Variants in STX7 observed in about 807,000 individuals in gnomAD.
STX7 encodes syntaxin-7.
STX7 carries 34 observed loss-of-function variants against 39.6 expected under a neutral mutation model. The ratio of observed to expected loss-of-function variants is 0.86; its 90% CI spans 0.65 to 1.14. The LOEUF is 1.14. Ranked by LOEUF, STX7 falls within the 50% of genes most tolerant of loss-of-function variation. The pLI, the probability that STX7 is intolerant of heterozygous loss-of-function variation, is 0.00. For synonymous variants in STX7, 119 were observed against 99.1 expected (o/e 1.20, Z -1.19); for missense variants, 284 against 310.4 (o/e 0.92, Z 0.64).
chr6:132,509,268 G>T (rs150062904), intron 1 of STX7, among the ~76,000 whole-genome samples: 4,421 of 151,928 alleles, frequency 0.029, 98 homozygotes, highest in Non-Finnish European at 0.046. Flanking sequence ...GACCATCCTG[G>T]CCAACATGGT....
At chr6:132,490,847 T>A (rs1294206909) in intron 2 of STX7, among the ~76,000 whole-genome samples, 1 of 151,976 alleles carries the variant, frequency 6.6e-6, no homozygotes, top group African/African-American at 2.4e-5. Context: ...TGGAAAGAGG[T>A]GTCTGTGCAT....
At chr6:132,468,523 T>C in intron 7 of STX7, 48 bp from the exon 8 acceptor site, 1 of 1,488,630 alleles carries the variant, frequency 6.7e-7, no homozygotes, top group Non-Finnish European at 9.1e-7. Context: ...CAGTCCCCAT[T>C]CCATAAAAGA....
chr6:132,447,346 A>T lies in STX7; in HGVS notation c.*13412T>A, dbSNP rs1774036169. 6.6e-6 allele frequency: 1 copy of T among 152,180 alleles called. No individual in the cohort carries two copies. The highest frequency in any genetic ancestry group is 2.1e-4 in the South Asian group (1 of 4,830). The allele number at this position is 152,180 out of a possible 1,614,324, so 9.4% of individuals were successfully genotyped here. A position where few individuals can be genotyped will look rare whatever the true frequency, so the allele number is the denominator to read the frequency against. ...TAATATCTTTTGCAGATTTTCTAAG[A>T]AATCTTTCCCTATCAGAGGTCCCCA... On this transcript the variant is annotated 3_prime_UTR_variant, in exon 10 of 10. Coordinates refer to ENST00000367941, the MANE Select transcript of STX7 (RefSeq NM_003569.3).
intron 1 of STX7, among the ~76,000 whole-genome samples, chr6:132,509,144 G>C (rs867645852): frequency 3.9e-5 from 6 of 152,096 alleles, no homozygotes; most frequent in Admixed American, 1.3e-4. Context: ...ACAAAATTGA[G>C]GGCAGGTGAA....
chr6:132,480,908 T>C (rs1275338631), intron 2 of STX7, among the ~76,000 whole-genome samples: 1 of 152,244 alleles, frequency 6.6e-6, no homozygotes, highest in Non-Finnish European at 1.5e-5. Context: ...ACTGTTCGTC[T>C]CCTTCCCTAT....
chr6:132,506,400 A>C (rs2114481908), intron 1 of STX7, among the ~76,000 whole-genome samples: 1 of 152,304 alleles, frequency 6.6e-6, no homozygotes, highest in East Asian at 1.9e-4. Flanking sequence ...ACAACTCAAC[A>C]AAAAACCCCA....
chr6:132,452,135 T>C lies in STX7; in HGVS notation c.*8623A>G, dbSNP rs1774148193. ...ACATGAATGGGCTAAAGAAGAAAAATGGCATTATGTAAATTAAGGCAGAAA... is the reference window on the plus strand; with the variant it reads ...ACATGAATGGGCTAAAGAAGAAAAACGGCATTATGTAAATTAAGGCAGAAA... On this transcript the variant is annotated 3_prime_UTR_variant, in exon 10 of 10. Coordinates refer to ENST00000367941, the MANE Select transcript of STX7 (RefSeq NM_003569.3). 1 of 151,940 alleles carries C rather than the reference T, an allele frequency of 6.6e-6. No homozygotes were observed. Among genetic ancestry groups the C allele is most frequent in the Non-Finnish European group, 1.5e-5 (1 of 67,954 alleles). 9.4% of individuals were successfully genotyped at this position (151,940 alleles called of 1,614,324 possible).
At chr6:132,472,865 CG>C (rs35277789) in intron 3 of STX7, among the ~76,000 whole-genome samples, 35,793 of 151,632 alleles carry the variant, frequency 0.24, 4,563 homozygotes, top group East Asian at 0.54. Flanking sequence ...AAAAAAAAGG[CG>C]GGGGGGAGGG....
intron 8 of STX7, among the ~76,000 whole-genome samples, chr6:132,464,406 CAG>C (rs748379700): frequency 7.2e-5 from 11 of 152,194 alleles, no homozygotes; most frequent in Non-Finnish European, 1.3e-4. Context: ...AGAGATGTCT[CAG>C]TGTCAAACTC....
rs777413406 is a variant in STX7 at position 132,464,009 on chromosome 6, C to T, written c.677G>A (p.Arg226Lys). 1.9e-6 allele frequency: 3 copies of T among 1,614,046 alleles called. No homozygotes were observed. Among genetic ancestry groups the T allele is most frequent in the Admixed American group, 1.7e-5 (1 of 60,010 alleles). The change falls in exon 9 of 10, where the codon AGG (arginine) becomes AAG (lysine). Residue 226 changes from arginine (R) to lysine (K), a missense_variant. By Grantham distance (26) the Arg-to-Lys change is conservative. Transcript: ENST00000367941. ...TTAAATTACCTGATAATCTGCTGCCCTTGACAGCTGCTGATTTGCTTGCTG... is the reference window on the plus strand; with the variant it reads ...TTAAATTACCTGATAATCTGCTGCCTTTGACAGCTGCTGATTTGCTTGCTG... ...HVQQANQQLS[R>K]AADYQRKSRK...
chr6:132,470,493 C>T (rs1015070826), intron 6 of STX7, 81 bp downstream of exon 6: 7 of 1,058,580 alleles, frequency 6.6e-6, no homozygotes, highest in Admixed American at 2.1e-5. Context: ...ATATTGAAAG[C>T]TTTAATTCTG....
At chr6:132,464,709 A>T (rs1409600980) in intron 8 of STX7, among the ~76,000 whole-genome samples, 2 of 152,170 alleles carry the variant, frequency 1.3e-5, no homozygotes, top group African/African-American at 4.8e-5. Context: ...TGTGTTCTGT[A>T]ATGGCCGACT....
chr6:132,494,740 T>A (rs192071585), intron 2 of STX7, among the ~76,000 whole-genome samples: 9 of 152,254 alleles, frequency 5.9e-5, no homozygotes, highest in Non-Finnish European at 1.2e-4. Flanking sequence ...GAGGATATTG[T>A]GGGGCATGGT....
In STX7 at chr6:132,449,245, C is replaced by T. The variant is rs567369207; in HGVS notation, c.*11513G>A. 53 of 152,236 alleles carry T rather than the reference C, an allele frequency of 3.5e-4. No individual in the cohort carries two copies. The highest frequency in any genetic ancestry group is 1.2e-3 in the African/African-American group (50 of 41,508). 9.4% of individuals were successfully genotyped at this position (152,236 alleles called of 1,614,324 possible). A position where few individuals can be genotyped will look rare whatever the true frequency, so the allele number is the denominator to read the frequency against. ...TCAAGTGATCCTCCCACTTGAGCCT[C>T]CCAAGTAGCTGGGACTACTGGTTCA... On this transcript the variant is annotated 3_prime_UTR_variant, in exon 10 of 10. Coordinates refer to ENST00000367941, the MANE Select transcript of STX7 (RefSeq NM_003569.3).
chr6:132,470,660 G>C (rs1490147222), intron 5 of STX7, 34 bp from the exon 6 acceptor site: 12 of 1,559,724 alleles, frequency 7.7e-6, no homozygotes, highest in Non-Finnish European at 9.6e-6. Context: ...GAATGAGAAG[G>C]GGCAAAAAAA....
chr6:132,472,407 G>C, intron 3 of STX7, 32 bp from the exon 4 acceptor site: 1 of 1,516,218 alleles, frequency 6.6e-7, no homozygotes, highest in Non-Finnish European at 9.0e-7. Context: ...TACAGCCAAA[G>C]GACTAATATA....
At chr6:132,476,120 A>C (rs920531027) in intron 2 of STX7, among the ~76,000 whole-genome samples, 26 of 152,218 alleles carry the variant, frequency 1.7e-4, no homozygotes, top group Admixed American at 1.3e-3. Flanking sequence ...GATTTCAGCA[A>C]GGTCATCAAA....
chr6:132,510,625 A>C (rs545478559), intron 1 of STX7, among the ~76,000 whole-genome samples: 1 of 152,346 alleles, frequency 6.6e-6, no homozygotes, highest in African/African-American at 2.4e-5. Flanking sequence ...AAATGTTCAA[A>C]AATTCTGTGT....
At chr6:132,469,853 T>G (rs1774667996) in intron 7 of STX7, 98 bp downstream of exon 7, 1 of 1,013,932 alleles carries the variant, frequency 9.9e-7, no homozygotes. Flanking sequence ...AAAACAAAAT[T>G]TTTCTGTCTC....
Sources: allele counts gnomAD v4.1 joint callset (sites outside exome capture counted in the v4.1 genomes callset), GRCh38; gene constraint gnomAD v4.1.1; transcripts MANE v1.5; gene names NCBI Gene and HGNC (gene_info 2026-07-23, HGNC 2026-07-21).